Variants in C10orf67 observed in about 807,000 individuals in gnomAD.
C10orf67 encodes chromosome 10 open reading frame 67, also known as uncharacterized protein C10orf67, mitochondrial.
Under a neutral mutation model 35.6 loss-of-function variants are expected in C10orf67, and 60 were observed. The observed-to-expected ratio is 1.68, with a 90% CI of 1.37 to 2.09. The LOEUF is 2.09. Among genes scored for constraint, C10orf67 ranks in the 30% most tolerant of loss-of-function variants. C10orf67 has a pLI of 0.00. For missense variants in C10orf67, 474 were observed against 330.2 expected (o/e 1.44, Z -3.38); for synonymous variants, 167 against 115.8 (o/e 1.44, Z -2.84).
chr10:23,252,674 T>G (rs1842487075), intron 10 of C10orf67, among the ~76,000 whole-genome samples: 1 of 152,224 alleles, frequency 6.6e-6, no homozygotes, highest in African/African-American at 2.4e-5. Flanking sequence ...GGAGAATGAT[T>G]CTATTCACTA....
intron 12 of C10orf67, among the ~76,000 whole-genome samples, chr10:23,242,369 C>T (rs1281449947): frequency 1.3e-5 from 2 of 152,082 alleles, no homozygotes; most frequent in Non-Finnish European, 2.9e-5. Flanking sequence ...TGACATTTTC[C>T]TCCAAAGAAA....
intron 4 of C10orf67, among the ~76,000 whole-genome samples, chr10:23,310,916 A>G (rs1187777324): frequency 6.6e-6 from 1 of 152,152 alleles, no homozygotes; most frequent in Non-Finnish European, 1.5e-5. Context: ...TGGCCAATTA[A>G]GCTGCTCCAC....
intron 5 of C10orf67, among the ~76,000 whole-genome samples, chr10:23,298,416 T>C (rs1355988965): frequency 6.6e-6 from 1 of 152,138 alleles, no homozygotes. Context: ...TAAAGAAAAG[T>C]CTTGCCCCAT....
chr10:23,344,062 C>A (rs1011234717), intron 1 of C10orf67: 5 of 292,112 alleles, frequency 1.7e-5, no homozygotes, highest in Admixed American at 1.2e-4. Flanking sequence ...AGTCGGGAAC[C>A]CGGCGTCCGT....
chr10:23,319,190 T>C (rs1317648849), intron 4 of C10orf67, among the ~76,000 whole-genome samples: 1 of 152,176 alleles, frequency 6.6e-6, no homozygotes, highest in Non-Finnish European at 1.5e-5. Flanking sequence ...CTGTGTCTAT[T>C]GTTCCCTTCT....
intron 2 of C10orf67, among the ~76,000 whole-genome samples, chr10:23,332,691 T>A (rs911324682): frequency 9.2e-5 from 13 of 140,678 alleles, no homozygotes; most frequent in Admixed American, 2.2e-4. Context: ...AAAAAAAAAA[T>A]TCAAAGAAAA....
At chr10:23,299,782 C>T (rs983538867) in intron 5 of C10orf67, among the ~76,000 whole-genome samples, 2 of 152,032 alleles carry the variant, frequency 1.3e-5, no homozygotes, top group Non-Finnish European at 2.9e-5. Context: ...TCAAGACCAT[C>T]CTGGCTAACA....
At chr10:23,291,028 TA>T (rs1183295066) in intron 6 of C10orf67, 103 bp downstream of exon 6, 2 of 601,304 alleles carry the variant, frequency 3.3e-6, no homozygotes, top group Non-Finnish European at 3.0e-6. Flanking sequence ...CTTTCAAATG[TA>T]AATAACCAAA....
chr10:23,289,772 G>C lies in C10orf67; in HGVS notation c.909+128C>G, dbSNP rs575270596. The stretch of plus-strand genomic sequence containing the variant: ...TCTAGTCACCCTTCCCAAATAGTGG[G>C]GAGAGATTAAATATGTGAATCAACT... On this transcript the variant is annotated intron_variant, in intron 7 of 15. Coordinates refer to ENST00000636213, the MANE Select transcript of C10orf67 (RefSeq NM_001371909.1). The C allele has an allele frequency of 8.5e-6, 5 of 590,452 alleles. No homozygotes were observed. The South Asian group carries it at 9.7e-5, about 11-fold the overall frequency. 36.6% of individuals were successfully genotyped at this position (590,452 alleles called of 1,614,324 possible).
At chr10:23,254,892 G>A (rs1276874224) in intron 10 of C10orf67, among the ~76,000 whole-genome samples, 3 of 152,004 alleles carry the variant, frequency 2.0e-5, no homozygotes, top group Non-Finnish European at 4.4e-5. Context: ...TTAATGAAAG[G>A]TACTTTGCCT....
chr10:23,255,915 C>T (rs1362786617), intron 10 of C10orf67, among the ~76,000 whole-genome samples: 1 of 152,180 alleles, frequency 6.6e-6, no homozygotes, highest in African/African-American at 2.4e-5. Context: ...TTTCAGTGAT[C>T]ATCTTTGGGT....
chr10:23,342,782 G>A (rs1845954168), intron 1 of C10orf67, among the ~76,000 whole-genome samples: 1 of 152,206 alleles, frequency 6.6e-6, no homozygotes, highest in Non-Finnish European at 1.5e-5. Context: ...CAGTGAAGCT[G>A]GGGAAGCCCA....
chr10:23,216,235 G>A (rs1172031866), intron 15 of C10orf67, among the ~76,000 whole-genome samples: 2 of 152,056 alleles, frequency 1.3e-5, no homozygotes, highest in Non-Finnish European at 2.9e-5. Flanking sequence ...CATAGAAGAG[G>A]AAACTAAAAT....
At chr10:23,344,014 G>T (rs1442496403) in intron 1 of C10orf67, 1 of 415,662 alleles carries the variant, frequency 2.4e-6, no homozygotes, top group Non-Finnish European at 5.1e-6. Flanking sequence ...AGCCCCGGAC[G>T]TGCGCCTCCC....
At chr10:23,311,446 T>G (rs1844490702) in intron 4 of C10orf67, among the ~76,000 whole-genome samples, 1 of 152,174 alleles carries the variant, frequency 6.6e-6, no homozygotes, top group Admixed American at 6.5e-5. Flanking sequence ...GCACGGTGGC[T>G]CATGCCTGTA....
intron 15 of C10orf67, among the ~76,000 whole-genome samples, chr10:23,220,102 T>G (rs934343766): frequency 1.3e-5 from 2 of 151,972 alleles, no homozygotes; most frequent in African/African-American, 4.8e-5. Context: ...GGCCCAGGAA[T>G]TTGAGACTGC....
intron 8 of C10orf67, among the ~76,000 whole-genome samples, chr10:23,267,774 T>C (rs1842921392): frequency 6.6e-6 from 1 of 151,836 alleles, no homozygotes; most frequent in South Asian, 2.1e-4. Context: ...GGCGTGGTGG[T>C]GGGCGCCTGT....
intron 10 of C10orf67, among the ~76,000 whole-genome samples, chr10:23,252,846 T>C (rs1430247220): frequency 6.6e-6 from 1 of 152,204 alleles, no homozygotes; most frequent in Non-Finnish European, 1.5e-5. Context: ...TGATATGGTT[T>C]GGCTCTGTGT....
intron 15 of C10orf67, among the ~76,000 whole-genome samples, chr10:23,218,740 T>A (rs1043790550): frequency 2.6e-5 from 4 of 152,198 alleles, no homozygotes; most frequent in Non-Finnish European, 5.9e-5. Flanking sequence ...TGGTATTAAC[T>A]CACAATTCAT....
Sources: allele counts gnomAD v4.1 joint callset (sites outside exome capture counted in the v4.1 genomes callset), GRCh38; gene constraint gnomAD v4.1.1; transcripts MANE v1.5; gene names NCBI Gene and HGNC (gene_info 2026-07-23, HGNC 2026-07-21).